Variants in IGF2BP1 observed in about 807,000 individuals in gnomAD.
The protein encoded by IGF2BP1 is insulin like growth factor 2 mRNA binding protein 1, also known as insulin-like growth factor 2 mRNA-binding protein 1.
Under a neutral mutation model 74.9 loss-of-function variants are expected in IGF2BP1, and 11 were observed. The ratio of observed to expected loss-of-function variants is 0.15; its 90% CI spans 0.09 to 0.24. The LOEUF is 0.24. Among genes scored for constraint, IGF2BP1 ranks in the 10% least tolerant of loss-of-function variants. The pLI is 1.00. For missense variants in IGF2BP1, 440 were observed against 757.4 expected (o/e 0.58, Z 4.92); for synonymous variants, 287 against 281.8 (o/e 1.02, Z -0.18).
chr17:49,054,131 G>A lies in IGF2BP1; in HGVS notation c.*4687G>A, dbSNP rs2042199006. The A allele has an allele frequency of 6.5e-6, 1 of 152,700 alleles. No homozygotes were observed. Among genetic ancestry groups the A allele is most frequent in the African/African-American group, 2.4e-5 (1 of 41,474 alleles). The allele number at this position is 152,700 out of a possible 1,614,324, so 9.5% of individuals were successfully genotyped here. A position where few individuals can be genotyped will look rare whatever the true frequency, so the allele number is the denominator to read the frequency against. ...CTCTATCGGGGTACGGGACAGGGAG[G>A]AGGCCTCATGTCTGAAGGGGGATTT... On this transcript the variant is annotated 3_prime_UTR_variant, in exon 15 of 15. Coordinates refer to ENST00000290341, the MANE Select transcript of IGF2BP1 (RefSeq NM_006546.4).
In IGF2BP1 at chr17:49,055,606, C is replaced by G. The variant is rs1170801528; in HGVS notation, c.*6162C>G. On this transcript the variant is annotated 3_prime_UTR_variant, in exon 15 of 15. Coordinates refer to ENST00000290341, the MANE Select transcript of IGF2BP1 (RefSeq NM_006546.4). ...AAAGCACGTTCAAAATGAATTTCAG[C>G]AGATTATGTGTTACCATAATGAATA... 7.5e-6 allele frequency: 3 copies of G among 398,580 alleles called. No individual in the cohort carries two copies. The East Asian group carries it at 1.1e-4, about 14-fold the overall frequency. The allele number at this position is 398,580 out of a possible 1,614,324, so 24.7% of individuals were successfully genotyped here. A position where few individuals can be genotyped will look rare whatever the true frequency, so the allele number is the denominator to read the frequency against.
At chr17:49,048,339 G>A (rs1478053692) in intron 14 of IGF2BP1, among the ~76,000 whole-genome samples, 2 of 150,614 alleles carry the variant, frequency 1.3e-5, no homozygotes, top group Non-Finnish European at 3.0e-5. Flanking sequence ...TGCAACTTCC[G>A]CCTCCCCTGT....
chr17:49,013,222 C>A (rs915107206), intron 2 of IGF2BP1, among the ~76,000 whole-genome samples: 2 of 144,370 alleles, frequency 1.4e-5, no homozygotes, highest in African/African-American at 2.6e-5. Flanking sequence ...GTCATTCTCA[C>A]CCCCAAACAA....
intron 4 of IGF2BP1, among the ~76,000 whole-genome samples, chr17:49,028,982 CT>C (rs1555599369): frequency 6.6e-6 from 1 of 151,976 alleles, no homozygotes; most frequent in Non-Finnish European, 1.5e-5. Context: ...AATTTTTGTA[CT>C]TTTAGTAGAG....
chr17:49,024,402 C>T (rs1025516742), intron 2 of IGF2BP1, among the ~76,000 whole-genome samples: 5 of 151,676 alleles, frequency 3.3e-5, no homozygotes, highest in East Asian at 1.9e-4. Context: ...TGACAGAGCA[C>T]TTTACAAGAT....
chr17:49,028,062 C>T (rs2041879663), intron 4 of IGF2BP1, among the ~76,000 whole-genome samples: 1 of 151,770 alleles, frequency 6.6e-6, no homozygotes, highest in Admixed American at 6.6e-5. Flanking sequence ...ACTAGGGAGG[C>T]TGAGGCAAGA....
chr17:49,009,726 T>C (rs1377848592), intron 2 of IGF2BP1, among the ~76,000 whole-genome samples: 1 of 150,666 alleles, frequency 6.6e-6, no homozygotes, highest in Non-Finnish European at 1.5e-5. Context: ...AAAAATTTAA[T>C]CGTAAAATAT....
At chr17:48,998,101 C>T (rs1228785394) in intron 1 of IGF2BP1, among the ~76,000 whole-genome samples, 181 bp downstream of exon 1, 1 of 152,122 alleles carries the variant, frequency 6.6e-6, no homozygotes, top group East Asian at 1.9e-4. Context: ...CTCCCACCCC[C>T]GCGCAGAAAC....
In IGF2BP1 at chr17:49,054,375, A is replaced by T. The variant is rs2042202012; in HGVS notation, c.*4931A>T. 1 of 152,702 alleles carries T rather than the reference A, an allele frequency of 6.5e-6. No homozygotes were observed. Among genetic ancestry groups the T allele is most frequent in the Non-Finnish European group, 1.5e-5 (1 of 68,044 alleles). 9.5% of individuals were successfully genotyped at this position (152,702 alleles called of 1,614,324 possible). A position where few individuals can be genotyped will look rare whatever the true frequency, so the allele number is the denominator to read the frequency against. On this transcript the variant is annotated 3_prime_UTR_variant, in exon 15 of 15. Transcript: ENST00000290341. The stretch of plus-strand genomic sequence containing the variant: ...GAGTATAAATGGATTAACTACCTCA[A>T]TCCTTACAGTAAGATTGGAACTAAG...
chr17:49,012,774 C>T (rs2041636405), intron 2 of IGF2BP1, among the ~76,000 whole-genome samples: 1 of 152,116 alleles, frequency 6.6e-6, no homozygotes, highest in African/African-American at 2.4e-5. Flanking sequence ...CCCTCTGTCG[C>T]CCAGGGTGGA....
intron 8 of IGF2BP1, 75 bp downstream of exon 8, chr17:49,041,575 C>T: frequency 1.9e-6 from 3 of 1,569,258 alleles, no homozygotes; most frequent in Non-Finnish European, 2.6e-6. Flanking sequence ...CATCATGGAA[C>T]CTTGATATGT....
Position 49,035,647 on chromosome 17 carries a change from G to A in IGF2BP1, c.402-2521G>A, listed in dbSNP as rs556272499. Among the ~76,000 whole-genome samples the A allele has an allele frequency of 2.1e-3, 322 of 152,286 alleles. 1 individual carries two copies. The highest frequency in any genetic ancestry group is 7.3e-3 in the African/African-American group (305 of 41,570). ...TGCACCTGCAGCGGTGGGGGTGGCTGGGGCACCTGGGAACGGGGATGCCTT... is the reference window on the plus strand; with the variant it reads ...TGCACCTGCAGCGGTGGGGGTGGCTAGGGCACCTGGGAACGGGGATGCCTT... On this transcript the variant is annotated intron_variant, in intron 5 of 14. Transcript: ENST00000290341.
intron 2 of IGF2BP1, among the ~76,000 whole-genome samples, chr17:48,999,955 T>TGTGTGTGTTC (rs1555593987): frequency 1.2e-4 from 18 of 151,272 alleles, no homozygotes; most frequent in Non-Finnish European, 2.2e-4. Context: ...TGTGTGTGTG[T>TGTGTGTGTTC]GTGTGTGTTC....
intron 4 of IGF2BP1, among the ~76,000 whole-genome samples, 154 bp downstream of exon 4, chr17:49,026,671 TCCTTCCTGCCTTCCTG>T (rs58556952): frequency 0.25 from 32,779 of 132,044 alleles, 5,072 homozygotes; most frequent in Non-Finnish European, 0.34. Context: ...CTTCCTGCCT[TCCTTCCTGCCTTCCTG>T]CCTTCCTGCC....
chr17:49,015,381 C>CT (rs2041685731), intron 2 of IGF2BP1, among the ~76,000 whole-genome samples: 1 of 152,212 alleles, frequency 6.6e-6, no homozygotes, highest in African/African-American at 2.4e-5. Context: ...GATGGTCTTC[C>CT]TGCCCCCCAC....
chr17:49,015,466 G>T (rs2041688434), intron 2 of IGF2BP1, among the ~76,000 whole-genome samples: 1 of 152,206 alleles, frequency 6.6e-6, no homozygotes, highest in African/African-American at 2.4e-5. Flanking sequence ...CCCACTGCCA[G>T]TCTGAGAAGG....
chr17:49,010,163 C>T (rs545876528), intron 2 of IGF2BP1, among the ~76,000 whole-genome samples: 1 of 152,304 alleles, frequency 6.6e-6, no homozygotes, highest in Non-Finnish European at 1.5e-5. Context: ...AACTCTTCAT[C>T]TTGCAAAATT....
intron 6 of IGF2BP1, 74 bp from the exon 7 acceptor site, chr17:49,039,883 G>T (rs1383293915): frequency 6.6e-7 from 1 of 1,514,014 alleles, no homozygotes; most frequent in Non-Finnish European, 9.1e-7. Context: ...ACTGAGGAGG[G>T]GTAGTGGGGT....
intron 4 of IGF2BP1, 140 bp downstream of exon 4, chr17:49,026,657 C>T (rs2041859552): frequency 1.6e-6 from 1 of 644,824 alleles, no homozygotes; most frequent in Non-Finnish European, 2.7e-6. Context: ...GCCTGCCTTC[C>T]TGCCTTCCTG....
Sources: gnomAD v4.1 joint callset for allele counts (sites outside exome capture counted in the v4.1 genomes callset) on GRCh38, gnomAD v4.1.1 for gene constraint, MANE v1.5 for transcripts, NCBI Gene and HGNC (gene_info 2026-07-23, HGNC 2026-07-21) for gene names.